Variants in ZNF532 observed in about 807,000 individuals in gnomAD.
The protein encoded by ZNF532 is zinc finger protein 532.
Under a neutral mutation model 89.3 loss-of-function variants are expected in ZNF532, and 22 were observed. That is an observed-to-expected ratio of 0.25 (90% confidence interval 0.18 to 0.35). The LOEUF (loss-of-function observed/expected upper bound fraction) is 0.35, where lower values mean the gene tolerates loss of function less well. Among genes scored for constraint, ZNF532 ranks in the 10% least tolerant of loss-of-function variants. The pLI is 1.00. For synonymous variants in ZNF532, 606 were observed against 649.6 expected (o/e 0.93, Z 1.02); for missense variants, 1,132 against 1,643.4 (o/e 0.69, Z 5.38).
intron 7 of ZNF532, chr18:58,954,245 AC>A: frequency 1.0e-6 from 1 of 988,210 alleles, no homozygotes; most frequent in Non-Finnish European, 1.2e-6. Flanking sequence ...GGGAAGAGGA[AC>A]CACATCCTTT....
chr18:58,888,855 T>TATATATAAAATATATATA (rs1568248215), intron 2 of ZNF532, among the ~76,000 whole-genome samples: 3 of 39,276 alleles, frequency 7.6e-5, no homozygotes, highest in African/African-American at 4.0e-4. Context: ...ATATATATAA[T>TATATATAAAATATATATA]TTATATATAT....
intron 2 of ZNF532, among the ~76,000 whole-genome samples, chr18:58,867,597 T>A (rs970524322): frequency 1.3e-5 from 2 of 152,128 alleles, no homozygotes; most frequent in Non-Finnish European, 2.9e-5. Context: ...GGGGACCCGG[T>A]GCCTGCAGTT....
intron 2 of ZNF532, among the ~76,000 whole-genome samples, chr18:58,900,611 G>C (rs1215126442): frequency 6.6e-6 from 1 of 152,114 alleles, no homozygotes; most frequent in Non-Finnish European, 1.5e-5. Flanking sequence ...TTCATGATCT[G>C]GTGGTCACCT....
intron 7 of ZNF532, among the ~76,000 whole-genome samples, chr18:58,970,599 T>G (rs1423065016): frequency 6.6e-6 from 1 of 152,260 alleles, no homozygotes; most frequent in African/African-American, 2.4e-5. Flanking sequence ...CAGCCCTCTT[T>G]CCAGGGCGTC....
At chr18:58,944,584 C>A (rs1351870647) in intron 5 of ZNF532, among the ~76,000 whole-genome samples, 5 of 152,128 alleles carry the variant, frequency 3.3e-5, no homozygotes, top group Admixed American at 6.5e-5. Context: ...AGACCCCTGC[C>A]TTTGTGCAGA....
At chr18:58,923,681 G>A (rs560771962) in intron 3 of ZNF532, among the ~76,000 whole-genome samples, 1 of 152,278 alleles carries the variant, frequency 6.6e-6, no homozygotes, top group East Asian at 1.9e-4. Flanking sequence ...TCACATGACT[G>A]TTGGCCAGTT....
At chr18:58,964,948 T>C (rs2065774563) in intron 7 of ZNF532, among the ~76,000 whole-genome samples, 1 of 149,100 alleles carries the variant, frequency 6.7e-6, no homozygotes, top group East Asian at 1.9e-4. Context: ...TTCATATATT[T>C]CTTATATATT....
At chr18:58,981,219 G>T (rs2067730022) in intron 8 of ZNF532, 2 of 471,710 alleles carry the variant, frequency 4.2e-6, no homozygotes, top group East Asian at 8.3e-5. Flanking sequence ...CATTCTGAGA[G>T]AATACTGAGT....
chr18:58,946,999 C>G (rs113776061), intron 5 of ZNF532, among the ~76,000 whole-genome samples: 1 of 152,078 alleles, frequency 6.6e-6, no homozygotes, highest in Non-Finnish European at 1.5e-5. Context: ...TCAACTTTGC[C>G]GTAGGAATGC....
At chr18:58,980,388 G>A (rs1003599544) in intron 8 of ZNF532, 2 of 152,200 alleles carry the variant, frequency 1.3e-5, no homozygotes, top group Non-Finnish European at 2.9e-5. Context: ...TGCTGGGATT[G>A]TTCTGCTAAC....
At position 58,982,629 on chromosome 18, in the gene ZNF532, C is replaced by G. The variant is rs558155452; in HGVS notation, c.3411+1012C>G. Among the ~76,000 whole-genome samples the G allele has an allele frequency of 7.3e-5, 11 of 151,722 alleles. No homozygotes were observed. The East Asian group carries it at 1.4e-3, about 19-fold the overall frequency. On this transcript the variant is annotated intron_variant, in intron 9 of 9. Coordinates refer to ENST00000591808, the MANE Select transcript of ZNF532 (RefSeq NM_001375912.1). ...AGAACGAGACTCTGTCTCCACCCCC[C>G]CAAAAAAAGTTAGCAGATACTTAAA...
At chr18:58,960,917 A>G (rs566996784) in intron 7 of ZNF532, among the ~76,000 whole-genome samples, 2 of 152,344 alleles carry the variant, frequency 1.3e-5, no homozygotes. Flanking sequence ...AAATAAAAGT[A>G]CACAGATATT....
chr18:58,963,603 ATGTGTG>A (rs60644289), intron 7 of ZNF532, among the ~76,000 whole-genome samples: 6,714 of 143,776 alleles, frequency 0.047, 157 homozygotes, highest in Middle Eastern at 0.083. Context: ...AAAGAAAAAA[ATGTGTG>A]TGTGTGTGTG....
intron 8 of ZNF532, chr18:58,979,392 GT>G (rs375044206): frequency 0.058 from 14,779 of 256,940 alleles, 1,098 homozygotes; most frequent in African/African-American, 0.21. Flanking sequence ...TACATTGTGT[GT>G]TTTTTTTTTC....
intron 2 of ZNF532, among the ~76,000 whole-genome samples, chr18:58,882,435 G>A (rs2057999357): frequency 6.6e-6 from 1 of 152,036 alleles, no homozygotes; most frequent in Non-Finnish European, 1.5e-5. Flanking sequence ...CCTAAAACCA[G>A]TTCCTAAAGA....
At chr18:58,962,237 A>T (rs2065424648) in intron 7 of ZNF532, among the ~76,000 whole-genome samples, 3 of 152,054 alleles carry the variant, frequency 2.0e-5, no homozygotes. Context: ...AAAAAAAAAA[A>T]ATGGATTCTA....
rs543185479 is a variant in ZNF532, at chr18:58,982,095, C to G, written c.3411+478C>G. 6.6e-5 allele frequency among the ~76,000 whole-genome samples: 10 copies of G among 151,496 alleles called. No individual in the cohort carries two copies. In the South Asian group the frequency reaches 1.9e-3, roughly 28 times the overall value. On this transcript the variant is annotated intron_variant, in intron 9 of 9. Coordinates refer to ENST00000591808, the MANE Select transcript of ZNF532 (RefSeq NM_001375912.1). ...CATTCTGACCTCATCATCAGGAGTT[C>G]GAGACCAGCCTGGCCAACATGGTGA...
At chr18:58,875,846 T>C (rs1269133354) in intron 2 of ZNF532, among the ~76,000 whole-genome samples, 1 of 152,030 alleles carries the variant, frequency 6.6e-6, no homozygotes, top group African/African-American at 2.4e-5. Context: ...TCCAGTTTGC[T>C]GCTGGTGTTC....
chr18:58,919,990 C>T lies in ZNF532; in HGVS notation c.1703C>T (p.Ser568Phe), dbSNP rs756259630. 1.2e-6 allele frequency: 2 copies of T among 1,613,590 alleles called. No individual in the cohort carries two copies. Among genetic ancestry groups the T allele is most frequent in the Non-Finnish European group, 8.5e-7 (1 of 1,179,750 alleles). ...GCCTCGCAACCCCCCAAAAAGGTGT[C>T]TCGAGTCCAGGTGGTGTCGTCCTTG... ...AAASQPPKKVSRVQVVSSLQS... is the reference protein window; with the variant it reads ...AAASQPPKKVFRVQVVSSLQS... Residue 568 changes from serine to phenylalanine, a missense_variant, in exon 3 of 10, where the codon TCT (serine) becomes TTT (phenylalanine). Ser to Phe is a radical substitution (Grantham distance 155). This residue lies in a region of ZNF532 where 97 missense variants were observed against 143.7 expected (regional missense o/e 0.68). Coordinates refer to ENST00000591808, the MANE Select transcript of ZNF532 (RefSeq NM_001375912.1). This position sits in a 1 kb window ranked among gnomAD's most constrained non-coding sequence, Gnocchi z 6.1.
Sources: gnomAD v4.1 joint callset for allele counts (sites outside exome capture counted in the v4.1 genomes callset) on GRCh38, gnomAD v4.1.1 for gene constraint, gnomAD v4.1.1 regional missense constraint, Gnocchi (gnomAD v3.1) non-coding constraint, MANE v1.5 for transcripts, NCBI Gene and HGNC (gene_info 2026-07-23, HGNC 2026-07-21) for gene names.